NOL4L: variants seen among roughly 807,000 people sequenced by gnomAD.
NOL4L encodes nucleolar protein 4-like.
In NOL4L, 7 loss-of-function variants were observed where a neutral mutation model predicts 64.5. The ratio of observed to expected loss-of-function variants is 0.11; its 90% CI spans 0.06 to 0.20. NOL4L has a LOEUF of 0.20. Ranked by LOEUF, NOL4L falls within the 10% of genes least tolerant of loss-of-function variation. The pLI, the probability that NOL4L is intolerant of heterozygous loss-of-function variation, is 1.00. For missense variants in NOL4L, 680 were observed against 967.1 expected, an observed-to-expected ratio of 0.70 and a Z score of 3.94; for synonymous variants, 413 against 401.0, an observed-to-expected ratio of 1.03 and a Z score of -0.36.
At chr20:32,544,411 T>C (rs997970100) in intron 1 of NOL4L, among the ~76,000 whole-genome samples, 2 of 151,802 alleles carry the variant, frequency 1.3e-5, no homozygotes, top group Non-Finnish European at 2.9e-5. Flanking sequence ...TGGAAGGAGA[T>C]AGCAGAAGAG....
chr20:32,490,176 C>G (rs1004465729), intron 4 of NOL4L, among the ~76,000 whole-genome samples: 4 of 146,522 alleles, frequency 2.7e-5, no homozygotes, highest in African/African-American at 5.1e-5. Flanking sequence ...TGTATATACA[C>G]ACATTATGTA....
At chr20:32,528,041 A>C in intron 1 of NOL4L, 128 bp from the exon 2 acceptor site, 1 of 247,036 alleles carries the variant, frequency 4.0e-6, no homozygotes, top group Non-Finnish European at 8.2e-6. Context: ...TGGGGAGGGG[A>C]GGGAGCCTAC....
intron 4 of NOL4L, among the ~76,000 whole-genome samples, chr20:32,488,782 C>CCTTTCTTT: frequency 2.2e-5 from 1 of 45,746 alleles, no homozygotes; most frequent in South Asian, 6.6e-4. Context: ...TTCCTTCCTT[C>CCTTTCTTT]CTTCCTTCCT....
intron 1 of NOL4L, among the ~76,000 whole-genome samples, chr20:32,542,527 A>AT (rs1279940427): frequency 4.0e-5 from 6 of 151,694 alleles, no homozygotes; most frequent in Admixed American, 3.9e-4. Flanking sequence ...TAATCTTTTT[A>AT]TTTTTTTGCA....
chr20:32,577,024 C>T (rs939084529), intron 1 of NOL4L, among the ~76,000 whole-genome samples: 1 of 152,210 alleles, frequency 6.6e-6, no homozygotes, highest in African/African-American at 2.4e-5. Flanking sequence ...CCCTGGAGCT[C>T]CAGCCCAGCT....
At chr20:32,456,772 T>TC (rs1464933828) in intron 5 of NOL4L, among the ~76,000 whole-genome samples, 1 of 152,162 alleles carries the variant, frequency 6.6e-6, no homozygotes, top group Non-Finnish European at 1.5e-5. Flanking sequence ...CTCTCCCTTC[T>TC]CCCCAGCTCC....
intron 4 of NOL4L, among the ~76,000 whole-genome samples, chr20:32,488,879 CT>C (rs11475052): frequency 0.028 from 2,344 of 84,764 alleles, 111 homozygotes; most frequent in African/African-American, 0.083. Flanking sequence ...TTCTTTCTTT[CT>C]TTCTTTCTTT....
chr20:32,481,048 GCT>G (rs2015683910), intron 4 of NOL4L, among the ~76,000 whole-genome samples: 1 of 152,130 alleles, frequency 6.6e-6, no homozygotes, highest in African/African-American at 2.4e-5. Context: ...AGGCATTCTC[GCT>G]CTCTCTCCCT....
intron 4 of NOL4L, chr20:32,485,869 C>A: frequency 2.4e-6 from 1 of 419,246 alleles, no homozygotes; most frequent in Non-Finnish European, 5.0e-6. Flanking sequence ...CAGTGGTGGA[C>A]ATCTGAGCTT....
intron 4 of NOL4L, chr20:32,483,335 C>T: frequency 3.1e-6 from 3 of 980,904 alleles, no homozygotes; most frequent in Non-Finnish European, 3.6e-6. Context: ...ACGGCCCGAT[C>T]GCCGGGATCC....
chr20:32,491,238 C>T (rs1055268220), intron 4 of NOL4L, among the ~76,000 whole-genome samples: 4 of 152,172 alleles, frequency 2.6e-5, no homozygotes, highest in Non-Finnish European at 4.4e-5. Context: ...CTTGATAGTC[C>T]TGAAACATTC....
intron 3 of NOL4L, among the ~76,000 whole-genome samples, chr20:32,517,749 C>T (rs1205899714): frequency 3.3e-5 from 5 of 152,212 alleles, no homozygotes; most frequent in African/African-American, 7.2e-5. Flanking sequence ...GGCCACGACA[C>T]GGGCTGGAGG....
intron 5 of NOL4L, among the ~76,000 whole-genome samples, chr20:32,474,265 A>G (rs937795990): frequency 3.3e-5 from 5 of 152,188 alleles, no homozygotes; most frequent in African/African-American, 1.2e-4. Flanking sequence ...GGTTAGGTAC[A>G]CTGTGAACCT....
intron 1 of NOL4L, among the ~76,000 whole-genome samples, chr20:32,567,936 T>A (rs79390721): frequency 6.7e-6 from 1 of 148,564 alleles, no homozygotes; most frequent in African/African-American, 2.6e-5. Context: ...ATCATCATCA[T>A]CACCATCACC....
chr20:32,536,420 A>G, intron 1 of NOL4L: 1 of 585,928 alleles, frequency 1.7e-6, no homozygotes, highest in Non-Finnish European at 2.1e-6. Context: ...CGCGCTAATG[A>G]CTGTTGACAG....
chr20:32,491,685 C>A (rs967153511), intron 4 of NOL4L, among the ~76,000 whole-genome samples: 1 of 152,196 alleles, frequency 6.6e-6, no homozygotes, highest in African/African-American at 2.4e-5. Context: ...TCCCATGGGG[C>A]ATGCACATGC....
At chr20:32,572,011 T>G (rs1323536580) in intron 1 of NOL4L, among the ~76,000 whole-genome samples, 1 of 152,230 alleles carries the variant, frequency 6.6e-6, no homozygotes, top group East Asian at 1.9e-4. Context: ...GTTGGCACCC[T>G]CTGCCAGGCA....
chr20:32,564,501 T>G (rs1414853421), intron 1 of NOL4L, among the ~76,000 whole-genome samples: 1 of 152,166 alleles, frequency 6.6e-6, no homozygotes, highest in African/African-American at 2.4e-5. Context: ...CTTGTACTAT[T>G]CTATGATCTA....
chr20:32,546,244 C>CT (rs1271145316), intron 1 of NOL4L, among the ~76,000 whole-genome samples: 3 of 151,476 alleles, frequency 2.0e-5, no homozygotes, highest in Non-Finnish European at 2.9e-5. Flanking sequence ...GTGCGCCCAG[C>CT]TTTTTTTTCC....
Sources: gnomAD v4.1 joint callset for allele counts (sites outside exome capture counted in the v4.1 genomes callset) on GRCh38, gnomAD v4.1.1 for gene constraint, MANE v1.5 for transcripts, NCBI Gene and HGNC (gene_info 2026-07-23, HGNC 2026-07-21) for gene names.